The following BCAS3 variants were observed in gnomAD, a reference collection of about 807,000 sequenced individuals.
The protein encoded by BCAS3 is BCAS3 microtubule associated cell migration factor, also known as BCAS4/BCAS3 fusion.
A neutral mutation model predicts 116.1 loss-of-function variants in BCAS3; 53 were observed. The ratio of observed to expected loss-of-function variants is 0.46; its 90% confidence interval spans 0.37 to 0.57. BCAS3 has a LOEUF of 0.57. BCAS3 is among the 20% of genes least tolerant of loss of function. The probability of loss-of-function intolerance (pLI) is 0.00; values close to 1 mark genes in which losing one functional copy is unlikely to be tolerated. For synonymous variants in BCAS3, 391 were observed against 408.2 expected (o/e 0.96, Z 0.51); for missense variants, 917 against 1,165.4 (o/e 0.79, Z 3.10).
At chr17:61,321,563 C>G (rs2055216505) in intron 22 of BCAS3, among the ~76,000 whole-genome samples, 1 of 152,228 alleles carries the variant, frequency 6.6e-6, no homozygotes, top group Non-Finnish European at 1.5e-5. Context: ...CCTGGGCCAT[C>G]TGGATGCCCC....
intron 22 of BCAS3, among the ~76,000 whole-genome samples, chr17:61,321,945 T>TG (rs1468246018): frequency 0.022 from 3,305 of 152,112 alleles, 118 homozygotes; most frequent in African/African-American, 0.075. Context: ...TTTGTTTGTT[T>TG]TTTTTGAGAC....
Position 60,679,531 on chromosome 17 carries a change from A to G in BCAS3, c.74A>G (p.Gln25Arg). Reference protein sequence around the residue: ...RCTGGVVVRPQAVTEQSYMES... With the variant: ...RCTGGVVVRPRAVTEQSYMES... ...ACTGGTGGAGTTGTGGTTCGCCCCC[A>G]GGCTGTCACGTAAGCACATTTCAGA... The change falls in exon 2 of 24, where the codon CAG becomes CGG. Residue 25 changes from glutamine to arginine, a missense_variant. Physicochemically the swap from Gln to Arg is conservative, Grantham distance 43. This residue lies in a region of BCAS3 where 807 missense variants were observed against 1,026.0 expected (regional missense o/e 0.79). Coordinates refer to ENST00000407086, the MANE Select transcript of BCAS3 (RefSeq NM_017679.5). 1 of 1,612,396 alleles carries G rather than the reference A, an allele frequency of 6.2e-7. No individual in the cohort carries two copies. The highest frequency in any genetic ancestry group is 1.1e-5 in the South Asian group (1 of 90,938).
rs2081562898 is a variant in BCAS3, at chr17:61,213,053, A to G, written c.2425+128489A>G. Among the ~76,000 whole-genome samples, 1 of 152,210 alleles carries G rather than the reference A, an allele frequency of 6.6e-6. No individual in the cohort carries two copies. Among genetic ancestry groups the G allele is most frequent in the African/African-American group, 2.4e-5 (1 of 41,460 alleles). ...ATAGTTTGGGATAGTTCTTTGGGGC[A>G]GGACCCATGTCACACTTTTTCTGTA... On this transcript the variant is annotated intron_variant, in intron 22 of 23. Coordinates refer to ENST00000407086, the MANE Select transcript of BCAS3 (RefSeq NM_017679.5). This position sits in a 1 kb window ranked among gnomAD's most constrained non-coding sequence, Gnocchi z 5.4.
At chr17:60,919,268 G>A (rs1246024584) in intron 12 of BCAS3, among the ~76,000 whole-genome samples, 1 of 151,966 alleles carries the variant, frequency 6.6e-6, no homozygotes, top group Non-Finnish European at 1.5e-5. Context: ...ATATTTCCTT[G>A]CTTTTTCATA....
At chr17:60,727,224 A>C in intron 5 of BCAS3, 1 of 937,350 alleles carries the variant, frequency 1.1e-6, no homozygotes, top group South Asian at 1.3e-5. Context: ...AAATGCTTAC[A>C]TCTCTGAATG....
intron 4 of BCAS3, among the ~76,000 whole-genome samples, chr17:60,700,994 A>G (rs887112491): frequency 1.2e-4 from 18 of 152,136 alleles, no homozygotes; most frequent in Admixed American, 6.6e-5. Flanking sequence ...CTGTAATCCC[A>G]GCACTTTGGG....
chr17:60,696,610 G>C (rs2035626057), intron 4 of BCAS3: 1 of 151,020 alleles, frequency 6.6e-6, no homozygotes, highest in South Asian at 2.1e-4. Flanking sequence ...ATCTCTAAAA[G>C]AAAATGCTGC....
At chr17:61,052,727 T>C (rs1005402944) in intron 19 of BCAS3, among the ~76,000 whole-genome samples, 2 of 140,722 alleles carry the variant, frequency 1.4e-5, no homozygotes, top group Admixed American at 6.8e-5. Context: ...TTTTTTTTTT[T>C]TTTTTTTTGA....
intron 22 of BCAS3, among the ~76,000 whole-genome samples, chr17:61,123,627 TG>T (rs958167208): frequency 3.3e-5 from 5 of 151,766 alleles, no homozygotes; most frequent in African/African-American, 1.2e-4. Context: ...TAATTTTTAT[TG>T]GGGGGGAGTG....
Position 61,147,959 on chromosome 17 carries a change from C to G in BCAS3, c.2425+63395C>G, listed in dbSNP as rs574263873. ...CGAGATCATGCCATTGCACTCCAAT[C>G]TGGGAAACAAGAGTGAAACTCTGTC... On this transcript the variant is annotated intron_variant, in intron 22 of 23. Transcript: ENST00000407086. 4.4e-4 allele frequency among the ~76,000 whole-genome samples: 65 copies of G among 146,264 alleles called. 2 individuals are homozygous for G. In the South Asian group the frequency reaches 0.014, roughly 32 times the overall value.
At position 61,316,340 on chromosome 17, in the gene BCAS3, C is replaced by T. The variant is rs1017787174; in HGVS notation, c.2426-51987C>T. Among the ~76,000 whole-genome samples, 1 of 152,102 alleles carries T rather than the reference C, an allele frequency of 6.6e-6. No individual in the cohort carries two copies. The highest frequency in any genetic ancestry group is 6.5e-5 in the Admixed American group (1 of 15,272). On this transcript the variant is annotated intron_variant, in intron 22 of 23. Transcript: ENST00000407086. The surrounding 1 kb of genome is among the most constrained non-coding windows in gnomAD (Gnocchi z 5.8). ...AATATTAATAGTAATATAGCAGGTA[C>T]TTAGTAAATGTGTGCTGAATGTGGG...
At chr17:60,709,450 T>C (rs2037584607) in intron 5 of BCAS3, 125 bp downstream of exon 5, 5 of 592,350 alleles carry the variant, frequency 8.4e-6, no homozygotes, top group Non-Finnish European at 1.5e-5. Flanking sequence ...AATGCAGTGG[T>C]GCGATCTCGG....
chr17:60,755,628 T>G (rs2042923182), intron 6 of BCAS3, among the ~76,000 whole-genome samples: 1 of 152,200 alleles, frequency 6.6e-6, no homozygotes, highest in Non-Finnish European at 1.5e-5. Context: ...GTAATGTATT[T>G]TGTAGCTTTT....
At chr17:61,039,710 C>T (rs540943235) in intron 18 of BCAS3, among the ~76,000 whole-genome samples, 10 of 152,302 alleles carry the variant, frequency 6.6e-5, no homozygotes, top group South Asian at 2.1e-4. Context: ...CGTGAGCCAC[C>T]GCGCCGGCCC....
intron 6 of BCAS3, among the ~76,000 whole-genome samples, chr17:60,778,808 A>C (rs565384387): frequency 4.7e-4 from 72 of 152,272 alleles, no homozygotes; most frequent in Admixed American, 1.8e-3. Context: ...TTGACCCTGT[A>C]GTAGTATTCT....
At position 61,084,514 on chromosome 17, in the gene BCAS3, G is replaced by A. The variant is rs754370008; in HGVS notation, c.2375G>A (p.Arg792His). 20 of 1,614,010 alleles carry A rather than the reference G, an allele frequency of 1.2e-5. No individual in the cohort carries two copies. Among genetic ancestry groups the A allele is most frequent in the Non-Finnish European group, 1.4e-5 (17 of 1,180,030 alleles). ...CCCGTCAGCATGCCAGGGTCATCCC[G>A]TCCAGTCTCTGATCGAAGGGGAGTT... ...SDPVSMPGSS[R>H]PVSDRRGVST... Residue 792 changes from arginine (R) to histidine (H), a missense_variant, in exon 22 of 24, where the codon CGT becomes CAT. Arg to His is a conservative substitution (Grantham distance 29). This residue lies in a region of BCAS3 where 807 missense variants were observed against 1,026.0 expected (regional missense o/e 0.79). Transcript: ENST00000407086. The surrounding 1 kb of genome is among the most constrained non-coding windows in gnomAD (Gnocchi z 5.5).
chr17:60,753,229 TTC>T (rs1344074570), intron 6 of BCAS3, among the ~76,000 whole-genome samples: 4 of 152,140 alleles, frequency 2.6e-5, no homozygotes, highest in African/African-American at 9.7e-5. Context: ...CTTGTTTATA[TTC>T]TTTCTCATTG....
Position 61,347,900 on chromosome 17 carries a change from G to A in BCAS3, c.2426-20427G>A, listed in dbSNP as rs754142321. 1.2e-4 allele frequency among the ~76,000 whole-genome samples: 19 copies of A among 152,200 alleles called. No individual in the cohort carries two copies. Among genetic ancestry groups the A allele is most frequent in the Admixed American group, 2.6e-4 (4 of 15,278 alleles). ...GGCAAGGCGCAAGGTGGGGTGTAGC[G>A]TTCAGAGTCTGGAAAGCTGCTAGAG... On this transcript the variant is annotated intron_variant, in intron 22 of 23. Coordinates refer to ENST00000407086, the MANE Select transcript of BCAS3 (RefSeq NM_017679.5). This position sits in a 1 kb window ranked among gnomAD's most constrained non-coding sequence, Gnocchi z 4.3.
At chr17:60,860,501 T>G (rs1224634870) in intron 7 of BCAS3, among the ~76,000 whole-genome samples, 1 of 152,210 alleles carries the variant, frequency 6.6e-6, no homozygotes, top group Non-Finnish European at 1.5e-5. Context: ...TGTCAATTTT[T>G]GTTGCAATTG....
Sources: allele counts gnomAD v4.1 joint callset (sites outside exome capture counted in the v4.1 genomes callset), GRCh38; gene constraint gnomAD v4.1.1; regional missense constraint gnomAD v4.1.1; non-coding constraint Gnocchi (gnomAD v3.1); transcripts MANE v1.5; gene names NCBI Gene and HGNC (gene_info 2026-07-23, HGNC 2026-07-21).